FANCB: variants seen among roughly 807,000 people sequenced by gnomAD.
FANCB encodes FA complementation group B, also known as Fanconi anemia group B protein.
Under a neutral mutation model 38.9 loss-of-function variants are expected in FANCB, and 5 were observed. That is an observed-to-expected ratio of 0.13 (90% CI 0.07 to 0.27). The LOEUF (loss-of-function observed/expected upper bound fraction) is 0.27. FANCB is among the 10% of genes least tolerant of loss of function. FANCB has a pLI of 1.00. For synonymous variants in FANCB, 236 were observed against 215.4 expected (o/e 1.10, Z -0.84); for missense variants, 573 against 602.7 (o/e 0.95, Z 0.52).
chrX:14,834,863 C>T, downstream of FANCB: 7 of 590,643 alleles, frequency 1.2e-5, no homozygotes, highest in South Asian at 4.6e-5. Flanking sequence ...TTACCTTTTT[C>T]TGTGGAAACT....
At chrX:14,743,399 T>C in the FANCB span, among the ~76,000 whole-genome samples, 2 of 111,155 alleles carry the variant, frequency 1.8e-5, no homozygotes, top group South Asian at 3.8e-4. Context: ...CTCATAAATG[T>C]CACAGCCAAG....
the FANCB span, among the ~76,000 whole-genome samples, chrX:14,699,115 A>G: frequency 1.8e-5 from 2 of 112,325 alleles, no homozygotes; most frequent in Non-Finnish European, 3.8e-5. Flanking sequence ...ACCCCAGTCT[A>G]TTAGAAGCTG....
At position 14,844,974 on chromosome X, in the gene FANCB, C is replaced by T; in HGVS notation, c.1809G>A (p.Glu603=). The T allele has an allele frequency of 8.3e-7, 1 of 1,206,299 alleles. No homozygotes were observed. ...CTTTAGGACAGTTACCACTTTCTCT[C>T]TCCATAATTTGTAGCAGTACAGTGC... is the stretch of plus-strand genomic sequence containing the variant. ...FCCTVLLQIM[E]RESGNCPKDR... Residue 603 remains glutamate (E), a synonymous_variant, in exon 8 of 10, where the codon GAG becomes GAA. Coordinates refer to ENST00000650831, the MANE Select transcript of FANCB (RefSeq NM_001018113.3).
chrX:14,826,485 T>C, the FANCB span, among the ~76,000 whole-genome samples: 1 of 112,723 alleles, frequency 8.9e-6, no homozygotes, highest in Non-Finnish European at 1.9e-5. Context: ...TGGGAGAGTA[T>C]GCCTGTAGCA....
the FANCB span, among the ~76,000 whole-genome samples, chrX:14,780,750 T>C: frequency 2.7e-5 from 3 of 110,380 alleles, no homozygotes; most frequent in Admixed American, 9.6e-5. Context: ...TAAAACTTTA[T>C]GGACACTGAA....
the FANCB span, among the ~76,000 whole-genome samples, chrX:14,707,593 A>AAAC: frequency 2.3e-5 from 2 of 88,143 alleles, no homozygotes; most frequent in Non-Finnish European, 4.3e-5. Flanking sequence ...AAAAACCAAA[A>AAAC]AACAACAACA....
At chrX:14,748,559 A>C in the FANCB span, among the ~76,000 whole-genome samples, 1 of 112,848 alleles carries the variant, frequency 8.9e-6, no homozygotes. Flanking sequence ...CAACGACAAC[A>C]ATGCATGATT....
At chrX:14,741,089 C>T in the FANCB span, among the ~76,000 whole-genome samples, 1 of 110,993 alleles carries the variant, frequency 9.0e-6, no homozygotes, top group African/African-American at 3.3e-5. Flanking sequence ...GATGTTTAAT[C>T]AATATGGTAT....
At chrX:14,735,943 G>A in the FANCB span, among the ~76,000 whole-genome samples, 2 of 111,829 alleles carry the variant, frequency 1.8e-5, no homozygotes, top group African/African-American at 6.5e-5. Flanking sequence ...CAGAGAGGAG[G>A]AATCTAGAGA....
chrX:14,818,722 A>G, the FANCB span, among the ~76,000 whole-genome samples: 1 of 112,385 alleles, frequency 8.9e-6, no homozygotes, highest in South Asian at 3.6e-4. Flanking sequence ...TTAATATTTT[A>G]ACTAATTCAG....
the FANCB span, among the ~76,000 whole-genome samples, chrX:14,809,935 G>A: frequency 8.9e-6 from 1 of 112,224 alleles, no homozygotes; most frequent in Non-Finnish European, 1.9e-5. Context: ...GCACCCCCCA[G>A]TAGGGGCAGA....
rs746219879 is a variant in FANCB, at chrX:14,853,342, TA to T, written c.1198-176del. Among the ~76,000 whole-genome samples the T allele has an allele frequency of 4.4e-4, 49 of 112,013 alleles. No homozygotes were observed. In the East Asian group the frequency reaches 0.01, roughly 23 times the overall value. On this transcript the variant is annotated intron_variant, in intron 5 of 9. Coordinates refer to ENST00000650831, the MANE Select transcript of FANCB (RefSeq NM_001018113.3). ...TTTATAGATTTTAAGTCTCTAAGTT[TA>T]AAAAATGTATCTTCTTTCAAAAGAA...
the FANCB span, among the ~76,000 whole-genome samples, chrX:14,820,660 T>G: frequency 4.5e-4 from 50 of 111,920 alleles, no homozygotes; most frequent in African/African-American, 1.4e-3. Context: ...TGTTAGGGCA[T>G]CAATCCAATT....
chrX:14,690,588 A>G, the FANCB span: 1 of 480,218 alleles, frequency 2.1e-6, no homozygotes, highest in East Asian at 3.5e-5. Context: ...TCATTGACCA[A>G]GGAAATTAGG....
At chrX:14,700,601 A>G in the FANCB span, among the ~76,000 whole-genome samples, 3 of 112,070 alleles carry the variant, frequency 2.7e-5, no homozygotes, top group African/African-American at 9.7e-5. Context: ...AGGAAGTCAG[A>G]GGACATTGGT....
At chrX:14,714,069 G>C in the FANCB span, among the ~76,000 whole-genome samples, 1 of 110,803 alleles carries the variant, frequency 9.0e-6, no homozygotes, top group Non-Finnish European at 1.9e-5. Flanking sequence ...ATTAGGTTCT[G>C]GTTTGAAGCT....
the FANCB span, among the ~76,000 whole-genome samples, chrX:14,778,514 T>C: frequency 8.9e-6 from 1 of 112,131 alleles, no homozygotes; most frequent in East Asian, 2.8e-4. Flanking sequence ...CATTCCATTG[T>C]GTCATATAAT....
chrX:14,803,884 T>C, the FANCB span, among the ~76,000 whole-genome samples: 1 of 111,016 alleles, frequency 9.0e-6, no homozygotes, highest in African/African-American at 3.3e-5. Flanking sequence ...CATGAAAAAA[T>C]GCTCATCATC....
the FANCB span, among the ~76,000 whole-genome samples, chrX:14,736,571 C>T: frequency 9.0e-6 from 1 of 111,260 alleles, no homozygotes; most frequent in Non-Finnish European, 1.9e-5. Context: ...GCTGCACCCA[C>T]TGTCTAACCA....
Sources: gnomAD v4.1 joint callset for allele counts (sites outside exome capture counted in the v4.1 genomes callset) on GRCh38, gnomAD v4.1.1 for gene constraint, MANE v1.5 for transcripts, NCBI Gene and HGNC (gene_info 2026-07-23, HGNC 2026-07-21) for gene names.